CEP170B: variants seen among roughly 807,000 people sequenced by gnomAD.
The protein encoded by CEP170B is centrosomal protein of 170 kDa protein B.
In CEP170B, 55 loss-of-function variants were observed where a neutral mutation model predicts 120.6. The observed-to-expected ratio is 0.46, with a 90% CI of 0.37 to 0.57. The LOEUF is 0.57. Ranked by LOEUF, CEP170B falls within the 20% of genes least tolerant of loss-of-function variation. The pLI, the probability that CEP170B is intolerant of heterozygous loss-of-function variation, is 0.00. For missense variants in CEP170B, 2,212 were observed against 2,253.3 expected (o/e 0.98, Z 0.37); for synonymous variants, 1,033 against 954.5 (o/e 1.08, Z -1.52).
chr14:104,889,861 G>A (rs1896702463), intron 13 of CEP170B, 103 bp downstream of exon 13: 5 of 1,247,014 alleles, frequency 4.0e-6, no homozygotes, highest in African/African-American at 3.0e-5. Flanking sequence ...TTCTTGAGTG[G>A]ATAGATGGTA....
At position 104,886,630 on chromosome 14, in the gene CEP170B, C is replaced by T. The variant is rs547633458; in HGVS notation, c.2391C>T (p.Phe797=). Residue 797 remains phenylalanine (F), a synonymous_variant, in exon 12 of 19, where the codon TTC becomes TTT. Transcript: ENST00000414716. The part of the protein sequence containing the change: ...RAPGEPTPAS[F]FIGDQNGDAV... ...CCGGGGAGCCAACTCCCGCCTCTTT[C>T]TTCATTGGGGACCAGAATGGGGACG... 3 of 1,523,620 alleles carry T rather than the reference C, an allele frequency of 2.0e-6. No individual in the cohort carries two copies. Among genetic ancestry groups the T allele is most frequent in the East Asian group, 4.5e-5 (2 of 44,194 alleles). The allele number at this position is 1,523,620 out of a possible 1,614,324, so 94.4% of individuals were successfully genotyped here.
intron 6 of CEP170B, among the ~76,000 whole-genome samples, chr14:104,881,125 G>A (rs1191647689): frequency 6.6e-6 from 1 of 152,186 alleles, no homozygotes; most frequent in Non-Finnish European, 1.5e-5. Flanking sequence ...CTCAGGGGTT[G>A]GTGGTTTCTG....
Position 104,883,216 on chromosome 14 carries a change from G to A in CEP170B, c.759G>A (p.Glu253=), listed in dbSNP as rs573533204. The change falls in exon 8 of 19, where the codon GAG becomes GAA. Residue 253 remains glutamate (E), a synonymous_variant. Coordinates refer to ENST00000414716, the MANE Select transcript of CEP170B (RefSeq NM_001112726.3). Reference sequence around the variant, plus strand: ...ACGAGATGCCCACGAAGGATGCAGAGGCAGGTGGGGGCGGAGCGGCCCCTG... The same window carrying A: ...ACGAGATGCCCACGAAGGATGCAGAAGCAGGTGGGGGCGGAGCGGCCCCTG... ...PAHEMPTKDA[E]AGGGGAAPVV... 6.8e-6 allele frequency: 11 copies of A among 1,611,290 alleles called. No homozygotes were observed. In the South Asian group the frequency reaches 1.1e-4, roughly 16 times the overall value.
intron 2 of CEP170B, among the ~76,000 whole-genome samples, chr14:104,872,265 T>C (rs1202508652): frequency 4.9e-5 from 6 of 121,412 alleles, no homozygotes; most frequent in African/African-American, 1.7e-4. Context: ...TGTGTGTGCG[T>C]GTGGGTGTGC....
chr14:104,889,799 C>T (rs1231538453), intron 13 of CEP170B, 41 bp downstream of exon 13: 12 of 1,572,766 alleles, frequency 7.6e-6, no homozygotes, highest in East Asian at 2.3e-5. Context: ...GGTGCCAGTG[C>T]GTTTTCTTGA....
chr14:104,894,465 C>A (rs1896991648), intron 17 of CEP170B, 72 bp from the exon 18 acceptor site: 2 of 1,603,036 alleles, frequency 1.2e-6, no homozygotes, highest in Non-Finnish European at 1.7e-6. Context: ...CCAGCTCCTG[C>A]ACACAGAGCC....
chr14:104,884,223 G>T lies in CEP170B; in HGVS notation c.1444G>T (p.Ala482Ser), dbSNP rs369365096. 7.5e-5 allele frequency: 116 copies of T among 1,542,486 alleles called. No homozygotes were observed. Among genetic ancestry groups the T allele is most frequent in the Non-Finnish European group, 7.8e-6 (9 of 1,146,820 alleles). Residue 482 changes from alanine to serine, a missense_variant, in exon 9 of 19, where the codon GCC becomes TCC. Around this residue, in one of 2 missense-constraint regions of CEP170B, gnomAD observed 2,166 missense variants for 2,166.7 expected, o/e 1.00. Coordinates refer to ENST00000414716, the MANE Select transcript of CEP170B (RefSeq NM_001112726.3). ...TEERLGSPSP[A>S]SRTPARPFGS... ...GGAACGGCTGGGCAGCCCCTCGCCCGCCTCCCGAACCCCTGCCCGCCCCTT... is the reference window on the plus strand; with the variant it reads ...GGAACGGCTGGGCAGCCCCTCGCCCTCCTCCCGAACCCCTGCCCGCCCCTT...
In CEP170B at chr14:104,868,599, G is replaced by C; in HGVS notation, c.105+44G>C. 1.3e-6 allele frequency: 2 copies of C among 1,521,146 alleles called. No individual in the cohort carries two copies. Among genetic ancestry groups the C allele is most frequent in the South Asian group, 1.2e-5 (1 of 83,132 alleles). 94.2% of individuals were successfully genotyped at this position (1,521,146 alleles called of 1,614,324 possible). On this transcript the variant is annotated intron_variant, in intron 2 of 18. Transcript: ENST00000414716. The surrounding 1 kb of genome is among the most constrained non-coding windows in gnomAD (Gnocchi z 5.9). ...GGGCCAGGAGGGTAGGGGGTAGACAGTCTGTCCCTGTGGAGGCCAGGAAGG... is the reference window on the plus strand; with the variant it reads ...GGGCCAGGAGGGTAGGGGGTAGACACTCTGTCCCTGTGGAGGCCAGGAAGG...
chr14:104,878,672 C>A (rs1015671099), intron 5 of CEP170B, among the ~76,000 whole-genome samples, 171 bp downstream of exon 5: 26 of 152,228 alleles, frequency 1.7e-4, no homozygotes, highest in African/African-American at 6.3e-4. Context: ...TGCCAGATGG[C>A]CCAGTCCGGC....
At chr14:104,881,011 G>T (rs546596822) in intron 6 of CEP170B, among the ~76,000 whole-genome samples, 6 of 152,258 alleles carry the variant, frequency 3.9e-5, no homozygotes, top group Non-Finnish European at 7.4e-5. Context: ...CCACCAGCTG[G>T]GCACCCTCTG....
intron 2 of CEP170B, among the ~76,000 whole-genome samples, chr14:104,869,809 C>T (rs1424622199): frequency 6.6e-6 from 1 of 152,190 alleles, no homozygotes; most frequent in Non-Finnish European, 1.5e-5. Context: ...TTGGCCGGCG[C>T]CTAGATCTCG....
In CEP170B at chr14:104,887,853, C is replaced by T; in HGVS notation, c.3614C>T (p.Ala1205Val). Reference sequence around the variant, plus strand: ...GGCCGCAGTGTGGAGTTGTGCTGTGCCAGCCGCAAGCCCACCATGGCCGAA... The same window carrying T: ...GGCCGCAGTGTGGAGTTGTGCTGTGTCAGCCGCAAGCCCACCATGGCCGAA... ...FSGRSVELCC[A>V]SRKPTMAEAR... The change falls in exon 12 of 19, where the codon GCC (alanine) becomes GTC (valine). Residue 1205 changes from alanine (A) to valine (V), a missense_variant. Ala to Val is a moderately conservative substitution (Grantham distance 64). Around this residue, in one of 2 missense-constraint regions of CEP170B, gnomAD observed 2,166 missense variants for 2,166.7 expected, o/e 1.00. Transcript: ENST00000414716. The T allele has an allele frequency of 1.9e-6, 3 of 1,578,918 alleles. No homozygotes were observed. The highest frequency in any genetic ancestry group is 1.8e-5 in the Admixed American group (1 of 56,136).
In CEP170B at chr14:104,891,210, CA is replaced by C. The variant is rs1376392068; in HGVS notation, c.3878+1453del. 1.3e-5 allele frequency among the ~76,000 whole-genome samples: 2 copies of C among 152,120 alleles called. No individual in the cohort carries two copies. Among genetic ancestry groups the C allele is most frequent in the Non-Finnish European group, 2.9e-5 (2 of 68,010 alleles). ...ACTCCCTCACATGGTCATTCAGTAA[CA>C]GGGCCCTCTCCAGGCCAGGCGCTGG... On this transcript the variant is annotated intron_variant, in intron 13 of 18. Coordinates refer to ENST00000414716, the MANE Select transcript of CEP170B (RefSeq NM_001112726.3). The surrounding 1 kb of genome is among the most constrained non-coding windows in gnomAD (Gnocchi z 4.3).
intron 16 of CEP170B, 91 bp downstream of exon 16, chr14:104,893,940 C>T (rs942232216): frequency 2.4e-5 from 29 of 1,207,780 alleles, no homozygotes; most frequent in South Asian, 2.0e-4. Flanking sequence ...TCAAGGGCAG[C>T]GGTTTCATGG....
In CEP170B at chr14:104,882,935, C is replaced by A. The variant is rs1397540173; in HGVS notation, c.578-100C>A. On this transcript the variant is annotated intron_variant, in intron 7 of 18. Coordinates refer to ENST00000414716, the MANE Select transcript of CEP170B (RefSeq NM_001112726.3). ...GGAGCCCACTCCGGGGGACATGGGG[C>A]CTGTCTCCCCCTCTTGGGTGGAGTG... The A allele has an allele frequency of 3.5e-6, 5 of 1,445,786 alleles. No homozygotes were observed. In the African/African-American group the frequency reaches 5.6e-5, roughly 16 times the overall value. The allele number at this position is 1,445,786 out of a possible 1,614,324, so 89.6% of individuals were successfully genotyped here. A position where few individuals can be genotyped will look rare whatever the true frequency, so the allele number is the denominator to read the frequency against.
At chr14:104,885,017 C>T (rs1193077338) in intron 9 of CEP170B, among the ~76,000 whole-genome samples, 2 of 56,780 alleles carry the variant, frequency 3.5e-5, no homozygotes, top group Admixed American at 2.5e-4. Flanking sequence ...GAGGCGATGC[C>T]GGGGGTGGCG....
rs1595360107 is a variant in CEP170B at position 104,891,667 on chromosome 14, T to G, written c.3879-1309T>G. Among the ~76,000 whole-genome samples the G allele has an allele frequency of 1.3e-5, 2 of 150,514 alleles. No homozygotes were observed. On this transcript the variant is annotated intron_variant, in intron 13 of 18. Coordinates refer to ENST00000414716, the MANE Select transcript of CEP170B (RefSeq NM_001112726.3). The surrounding 1 kb of genome is among the most constrained non-coding windows in gnomAD (Gnocchi z 4.3). ...ACACTGCACCTGGCTGAGAAGGGGG[T>G]GGGTGCTTCCAGGCCTGAGAGCAGA...
intron 1 of CEP170B, among the ~76,000 whole-genome samples, chr14:104,866,955 C>G (rs557745769): frequency 1.3e-5 from 2 of 152,188 alleles, no homozygotes; most frequent in African/African-American, 4.8e-5. Context: ...CTTGACTGGC[C>G]TCCTGAGTCA....
intron 5 of CEP170B, among the ~76,000 whole-genome samples, chr14:104,879,395 G>T (rs1469876460): frequency 2.0e-5 from 3 of 152,172 alleles, no homozygotes; most frequent in African/African-American, 7.2e-5. Flanking sequence ...AAGGTGGCAG[G>T]ATTTGGGGTC....
Sources: allele counts gnomAD v4.1 joint callset (sites outside exome capture counted in the v4.1 genomes callset), GRCh38; gene constraint gnomAD v4.1.1; regional missense constraint gnomAD v4.1.1; non-coding constraint Gnocchi (gnomAD v3.1); transcripts MANE v1.5; gene names NCBI Gene and HGNC (gene_info 2026-07-23, HGNC 2026-07-21).